Variants in CRACD observed in about 807,000 individuals in gnomAD.
CRACD encodes the protein capping protein-inhibiting regulator of actin dynamics.
Under a neutral mutation model 106.8 loss-of-function variants are expected in CRACD, and 56 were observed. That is an observed-to-expected ratio of 0.52 (90% CI 0.42 to 0.66). The LOEUF (loss-of-function observed/expected upper bound fraction) is 0.66. Ranked by LOEUF, CRACD falls within the 30% of genes least tolerant of loss-of-function variation. The pLI is 0.00. For missense variants in CRACD, 1,730 were observed against 1,623.2 expected (o/e 1.07, Z -1.13); for synonymous variants, 754 against 670.8 (o/e 1.12, Z -1.92).
In CRACD at chr4:56,306,890, C is replaced by T. The variant is rs187786941; in HGVS notation, c.121-645C>T. Among the ~76,000 whole-genome samples the T allele has an allele frequency of 5.3e-5, 8 of 152,268 alleles. No individual in the cohort carries two copies. In the South Asian group the frequency reaches 1.7e-3, roughly 32 times the overall value. ...AGGCAAAGAGGACGTCCAGATTGTT[C>T]CTATCCTTTATAGGGTTTTAGTATT... On this transcript the variant is annotated intron_variant, in intron 4 of 10. Coordinates refer to ENST00000682029, the MANE Select transcript of CRACD (RefSeq NM_001393381.1).
At chr4:56,270,486 G>A (rs1030134736) in intron 2 of CRACD, among the ~76,000 whole-genome samples, 1 of 152,200 alleles carries the variant, frequency 6.6e-6, no homozygotes, top group East Asian at 1.9e-4. Flanking sequence ...GGCCAGCAGA[G>A]CTCTGGGGCC....
At chr4:56,203,060 A>C (rs902053200) in intron 2 of CRACD, among the ~76,000 whole-genome samples, 1 of 152,254 alleles carries the variant, frequency 6.6e-6, no homozygotes, top group Non-Finnish European at 1.5e-5. Context: ...TGCATATTGC[A>C]ATAAGAATTA....
rs746439318 is a variant in CRACD, at chr4:56,316,694, G to T, written c.3187+5G>T. The T allele has an allele frequency of 6.2e-7, 1 of 1,602,136 alleles. No individual in the cohort carries two copies. Among genetic ancestry groups the T allele is most frequent in the Admixed American group, 1.7e-5 (1 of 59,692 alleles). On this transcript the variant is annotated splice_donor_5th_base_variant and intron_variant, in intron 8 of 10. Transcript: ENST00000682029. ...CACCCGAGGCCGGGAGGAAAGGTAG[G>T]TAGCTGCAGGGTGGGTAACTGCTGC...
chr4:56,303,408 G>T (rs534569607), intron 4 of CRACD, among the ~76,000 whole-genome samples: 24 of 151,766 alleles, frequency 1.6e-4, no homozygotes, highest in African/African-American at 4.1e-4. Flanking sequence ...AAGATGGGAG[G>T]AGTAGTAGTT....
At chr4:56,255,692 T>TA (rs994765670) in intron 2 of CRACD, among the ~76,000 whole-genome samples, 2 of 152,168 alleles carry the variant, frequency 1.3e-5, no homozygotes, top group African/African-American at 4.8e-5. Context: ...TCTAGGGGTC[T>TA]AGGGCTGTGA....
rs558095540 is a variant in CRACD at position 56,104,329 on chromosome 4, G to A, written c.-336+55030G>A. ...GGATTGCTTGAGCCCAGGAGGTCAA[G>A]CCTTCAGTGAGCCATGATTGCACCA... On this transcript the variant is annotated intron_variant, in intron 1 of 10. Coordinates refer to ENST00000682029, the MANE Select transcript of CRACD (RefSeq NM_001393381.1). 1.2e-4 allele frequency among the ~76,000 whole-genome samples: 19 copies of A among 152,298 alleles called. No individual in the cohort carries two copies. The East Asian group carries it at 3.7e-3, about 29-fold the overall frequency.
chr4:56,167,984 C>T (rs905666806), intron 1 of CRACD, among the ~76,000 whole-genome samples: 14 of 152,216 alleles, frequency 9.2e-5, no homozygotes, highest in African/African-American at 3.4e-4. Context: ...TCAGGATTTT[C>T]TACATAGATT....
chr4:56,090,669 A>G (rs751843199), intron 1 of CRACD, among the ~76,000 whole-genome samples: 8 of 152,116 alleles, frequency 5.3e-5, no homozygotes, highest in South Asian at 4.1e-4. Flanking sequence ...TGCTGGGGTT[A>G]TATGTGTAAG....
intron 1 of CRACD, among the ~76,000 whole-genome samples, chr4:56,152,678 C>A (rs763081401): frequency 6.6e-6 from 1 of 151,940 alleles, no homozygotes; most frequent in Non-Finnish European, 1.5e-5. Context: ...CCAGCCTGGG[C>A]GACAGAGTGA....
chr4:56,252,870 A>G (rs1024345343), intron 2 of CRACD, among the ~76,000 whole-genome samples: 1 of 152,184 alleles, frequency 6.6e-6, no homozygotes, highest in Non-Finnish European at 1.5e-5. Context: ...TAAGAGTAGA[A>G]CCTCAGGACT....
intron 1 of CRACD, among the ~76,000 whole-genome samples, chr4:56,111,873 C>A (rs1040000872): frequency 1.3e-5 from 2 of 152,152 alleles, no homozygotes; most frequent in African/African-American, 4.8e-5. Context: ...TTGGTTCTTA[C>A]ATGGTAACCC....
chr4:56,293,071 A>G (rs1213513406), intron 3 of CRACD, among the ~76,000 whole-genome samples: 1 of 152,234 alleles, frequency 6.6e-6, no homozygotes, highest in African/African-American at 2.4e-5. Flanking sequence ...TCTAAAATAT[A>G]CTTCTGAAAT....
At chr4:56,242,494 G>A (rs910550814) in intron 2 of CRACD, among the ~76,000 whole-genome samples, 3 of 152,114 alleles carry the variant, frequency 2.0e-5, no homozygotes, top group African/African-American at 7.2e-5. Context: ...ACTAGGAGGC[G>A]TGTAGCCCTG....
At chr4:56,190,035 G>A (rs1396497453) in intron 2 of CRACD, among the ~76,000 whole-genome samples, 2 of 134,308 alleles carry the variant, frequency 1.5e-5, no homozygotes, top group African/African-American at 5.7e-5. Context: ...TGTTCTCATT[G>A]TTCAATTCCC....
chr4:56,129,788 T>C (rs948776365), intron 1 of CRACD, among the ~76,000 whole-genome samples: 11 of 152,064 alleles, frequency 7.2e-5, no homozygotes, highest in Admixed American at 5.2e-4. Flanking sequence ...AGGGATGTGA[T>C]AGGATTATGC....
chr4:56,295,609 T>C (rs2109713249), intron 3 of CRACD, among the ~76,000 whole-genome samples: 1 of 147,276 alleles, frequency 6.8e-6, no homozygotes, highest in East Asian at 2.0e-4. Context: ...GGAATGGAAC[T>C]TAGCCTAGCA....
chr4:56,274,887 C>A (rs1363340303), intron 3 of CRACD, among the ~76,000 whole-genome samples: 1 of 152,146 alleles, frequency 6.6e-6, no homozygotes, highest in African/African-American at 2.4e-5. Context: ...AACCTAAATA[C>A]CCATCAGTGA....
Position 56,115,230 on chromosome 4 carries a change from G to A in CRACD, c.-335-64054G>A, listed in dbSNP as rs375473241. ...ATATCATAACCCTAAGTTACCTCAC[G>A]ACCAAATTGTTGTAGAACTATACAA... On this transcript the variant is annotated intron_variant, in intron 1 of 10. Coordinates refer to ENST00000682029, the MANE Select transcript of CRACD (RefSeq NM_001393381.1). Among the ~76,000 whole-genome samples, 12 of 152,206 alleles carry A rather than the reference G, an allele frequency of 7.9e-5. No homozygotes were observed. The East Asian group carries it at 1.4e-3, about 17-fold the overall frequency.
intron 1 of CRACD, among the ~76,000 whole-genome samples, chr4:56,153,860 C>T (rs115687243): frequency 0.03 from 4,622 of 152,264 alleles, 228 homozygotes; most frequent in African/African-American, 0.11. Context: ...TAGCTACACT[C>T]ATCTTAATTG....
Sources: gnomAD v4.1 joint callset for allele counts (sites outside exome capture counted in the v4.1 genomes callset) on GRCh38, gnomAD v4.1.1 for gene constraint, MANE v1.5 for transcripts, NCBI Gene and HGNC (gene_info 2026-07-23, HGNC 2026-07-21) for gene names.